Variants in ALG6 observed in about 807,000 individuals in gnomAD.
The protein encoded by ALG6 is dolichyl pyrophosphate Man9GlcNAc2 alpha-1,3-glucosyltransferase.
ALG6 carries 46 observed loss-of-function variants against 66.6 expected under a neutral mutation model. The observed-to-expected ratio is 0.69, with a 90% confidence interval of 0.55 to 0.88. The LOEUF (loss-of-function observed/expected upper bound fraction) is 0.88. ALG6 is among the 40% of genes least tolerant of loss of function. ALG6 has a pLI of 0.00. For synonymous variants in ALG6, 185 were observed against 203.7 expected (o/e 0.91, Z 0.78); for missense variants, 505 against 586.8 (o/e 0.86, Z 1.44).
At chr1:63,398,031 G>A (rs1644417439) in intron 3 of ALG6, among the ~76,000 whole-genome samples, 1 of 152,074 alleles carries the variant, frequency 6.6e-6, no homozygotes, top group Admixed American at 6.5e-5. Flanking sequence ...CCTGATAACT[G>A]TTGATGACAT....
chr1:63,367,886 G>C (rs997333436), intron 1 of ALG6, among the ~76,000 whole-genome samples, 199 bp downstream of exon 1: 2 of 152,190 alleles, frequency 1.3e-5, no homozygotes, highest in African/African-American at 4.8e-5. Context: ...CGGTGATAGT[G>C]GTGGCACTTG....
chr1:63,371,632 C>A (rs1647929581), intron 2 of ALG6, among the ~76,000 whole-genome samples: 1 of 151,310 alleles, frequency 6.6e-6, no homozygotes, highest in Admixed American at 6.6e-5. Flanking sequence ...TGATACGGAG[C>A]CTCGCTGTGT....
Position 63,406,109 on chromosome 1 carries a change from G to A in ALG6, c.347-208G>A, listed in dbSNP as rs138882211. On this transcript the variant is annotated intron_variant, in intron 5 of 14. Coordinates refer to ENST00000263440, the MANE Select transcript of ALG6 (RefSeq NM_013339.4). ...TGATTAAATGTGTGAATTTGTTAGA[G>A]AAAATTAAGAGACTCCTTTGCAATA... Among the ~76,000 whole-genome samples the A allele has an allele frequency of 9.6e-3, 1,465 of 152,178 alleles. 20 individuals carry two copies. Among genetic ancestry groups the A allele is most frequent in the African/African-American group, 0.032 (1,341 of 41,548 alleles).
intron 2 of ALG6, among the ~76,000 whole-genome samples, chr1:63,390,753 G>A (rs1302558973): frequency 6.6e-6 from 1 of 152,192 alleles, no homozygotes; most frequent in East Asian, 1.9e-4. Context: ...ATTCTGCCCT[G>A]TGTTGCTTTC....
At chr1:63,391,804 A>C (rs1415416908) in intron 2 of ALG6, among the ~76,000 whole-genome samples, 2 of 152,214 alleles carry the variant, frequency 1.3e-5, no homozygotes, top group African/African-American at 4.8e-5. Flanking sequence ...AGATGCTTAT[A>C]TACATTAATT....
rs373420352 is a variant in ALG6 at position 63,405,254 on chromosome 1, A to G, written c.346+713A>G. On this transcript the variant is annotated intron_variant, in intron 5 of 14. Coordinates refer to ENST00000263440, the MANE Select transcript of ALG6 (RefSeq NM_013339.4). ...CCACACCACTGCCCTTCCCTCTCCA[A>G]TGCTTTAATCCTTTCTGAACCACAT... 9.9e-5 allele frequency among the ~76,000 whole-genome samples: 15 copies of G among 152,102 alleles called. 1 individual carries two copies. The highest frequency in any genetic ancestry group is 2.4e-4 in the African/African-American group (10 of 41,540).
chr1:63,432,640 A>T (rs1379347345), intron 14 of ALG6, among the ~76,000 whole-genome samples: 5 of 152,220 alleles, frequency 3.3e-5, no homozygotes, highest in Non-Finnish European at 5.9e-5. Flanking sequence ...TTGTTTGTTG[A>T]ATGAATGAAT....
chr1:63,368,306 G>T (rs568138764), intron 1 of ALG6, among the ~76,000 whole-genome samples: 1 of 152,142 alleles, frequency 6.6e-6, no homozygotes, highest in African/African-American at 2.4e-5. Context: ...AACCACACAG[G>T]GCTCAGTAAA....
At chr1:63,413,785 A>G (rs1442905562) in intron 9 of ALG6, 2 of 311,080 alleles carry the variant, frequency 6.4e-6, no homozygotes, top group East Asian at 1.3e-4. Flanking sequence ...GTATTCAGGG[A>G]TAGTGCACTG....
At chr1:63,380,348 G>C (rs1440783174) in intron 2 of ALG6, among the ~76,000 whole-genome samples, 2 of 152,212 alleles carry the variant, frequency 1.3e-5, no homozygotes, top group Non-Finnish European at 2.9e-5. Context: ...GTTTGTTCGT[G>C]AACGGAAGAA....
At chr1:63,429,228 C>A in intron 14 of ALG6, 102 bp downstream of exon 14, 1 of 839,710 alleles carries the variant, frequency 1.2e-6, no homozygotes, top group South Asian at 1.6e-5. Flanking sequence ...AGATATAATT[C>A]ACATAAATCC....
chr1:63,383,199 T>C (rs1386637418), intron 2 of ALG6, among the ~76,000 whole-genome samples: 1 of 151,836 alleles, frequency 6.6e-6, no homozygotes, highest in Non-Finnish European at 1.5e-5. Flanking sequence ...CTTAGCTCAC[T>C]GTAGCCTCTG....
chr1:63,383,625 A>G (rs1648407582), intron 2 of ALG6, among the ~76,000 whole-genome samples: 1 of 152,194 alleles, frequency 6.6e-6, no homozygotes, highest in African/African-American at 2.4e-5. Flanking sequence ...TAATAATCAC[A>G]TTAGGGTAAA....
chr1:63,400,259 ATATATATACG>A lies in ALG6; in HGVS notation c.168-1986_168-1977del, dbSNP rs1451832593. 6.3e-3 allele frequency among the ~76,000 whole-genome samples: 23 copies of A among 3,680 alleles called. 5 individuals carry two copies. The highest frequency in any genetic ancestry group is 1.8e-3 in the Non-Finnish European group (4 of 2,236). The allele number at this position is 3,680 out of a possible 152,430, so 2.4% of individuals were successfully genotyped here. A position where few individuals can be genotyped will look rare whatever the true frequency, so the allele number is the denominator to read the frequency against. ...TATATATATACGTATATATATGTAT[ATATATATACG>A]TATATATATATACGTATATATATAT... is the stretch of plus-strand genomic sequence containing the variant. On this transcript the variant is annotated intron_variant, in intron 3 of 14. Coordinates refer to ENST00000263440, the MANE Select transcript of ALG6 (RefSeq NM_013339.4).
intron 7 of ALG6, among the ~76,000 whole-genome samples, chr1:63,408,040 G>A (rs76263315): frequency 0.012 from 1,898 of 152,232 alleles, 32 homozygotes; most frequent in African/African-American, 0.043. Flanking sequence ...ACTTTGAAAT[G>A]TGACACTCAT....
chr1:63,427,787 CTTTTTTT>C lies in ALG6; in HGVS notation c.1059-929_1059-923del, dbSNP rs540658412. On this transcript the variant is annotated intron_variant, in intron 12 of 14. Coordinates refer to ENST00000263440, the MANE Select transcript of ALG6 (RefSeq NM_013339.4). ...GGCTTAGAGCTATGACCCTAAACAA[CTTTTTTT>C]TTTTTTTTTTTTTTTTGGAGATGGA... is the stretch of plus-strand genomic sequence containing the variant. Among the ~76,000 whole-genome samples, 35 of 109,958 alleles carry C rather than the reference CTTTTTTT, an allele frequency of 3.2e-4. No homozygotes were observed. In the South Asian group the frequency reaches 6.7e-3, roughly 21 times the overall value. 72.1% of individuals were successfully genotyped at this position (109,958 alleles called of 152,430 possible). A position where few individuals can be genotyped will look rare whatever the true frequency, so the allele number is the denominator to read the frequency against.
At chr1:63,400,325 ATATATATATACG>A (rs1368219818) in intron 3 of ALG6, among the ~76,000 whole-genome samples, 627 of 25,612 alleles carry the variant, frequency 0.024, 159 homozygotes, top group South Asian at 0.12. Context: ...ATATACGTAT[ATATATATATACG>A]TATATATATA....
intron 6 of ALG6, among the ~76,000 whole-genome samples, chr1:63,406,617 CTGT>C (rs1644490917): frequency 6.6e-6 from 1 of 152,070 alleles, no homozygotes; most frequent in Non-Finnish European, 1.5e-5. Flanking sequence ...AAGTTATGTA[CTGT>C]TGAACTACAT....
At position 63,411,194 on chromosome 1, in the gene ALG6, A is replaced by G; in HGVS notation, c.543A>G (p.Ile181Met). ...LGFALWGVLGISCDCDLLGSL... is the reference protein window; with the variant it reads ...LGFALWGVLGMSCDCDLLGSL... ...TTGCTTTGTGGGGTGTTCTTGGAATATCTTGTGACTGCGACCTCCTAGGGT... is the reference window on the plus strand; with the variant it reads ...TTGCTTTGTGGGGTGTTCTTGGAATGTCTTGTGACTGCGACCTCCTAGGGT... The change falls in exon 8 of 15, where the codon ATA (isoleucine) becomes ATG (methionine). Residue 181 changes from isoleucine to methionine, a missense_variant. By Grantham distance (10) the Ile-to-Met change is conservative (BLOSUM62 1). Transcript: ENST00000263440. 1 of 1,613,866 alleles carries G rather than the reference A, an allele frequency of 6.2e-7. No individual in the cohort carries two copies. Among genetic ancestry groups the G allele is most frequent in the South Asian group, 1.1e-5 (1 of 91,072 alleles).
Sources: gnomAD v4.1 joint callset for allele counts (sites outside exome capture counted in the v4.1 genomes callset) on GRCh38, gnomAD v4.1.1 for gene constraint, MANE v1.5 for transcripts, NCBI Gene and HGNC (gene_info 2026-07-23, HGNC 2026-07-21) for gene names.